The following LRCH4 variants were observed in gnomAD, a reference collection of about 807,000 sequenced individuals.
The protein encoded by LRCH4 is leucine-rich repeat and calponin homology domain-containing protein 4.
Under a neutral mutation model 81.2 loss-of-function variants are expected in LRCH4, and 56 were observed. That is an observed-to-expected ratio of 0.69 (90% CI 0.56 to 0.86). LRCH4 has a LOEUF of 0.86. Among genes scored for constraint, LRCH4 ranks in the 40% least tolerant of loss-of-function variants. The pLI is 0.00. For missense variants in LRCH4, 895 were observed against 922.8 expected (o/e 0.97, Z 0.39); for synonymous variants, 442 against 409.7 (o/e 1.08, Z -0.95).
At chr7:100,579,038 C>A in intron 4 of LRCH4, 1 of 526,088 alleles carries the variant, frequency 1.9e-6, no homozygotes, top group Admixed American at 3.5e-5. Flanking sequence ...AAGGCCCATC[C>A]GGACGTCAGG....
In LRCH4 at chr7:100,575,908, C is replaced by T. The variant is rs750336915; in HGVS notation, c.1739G>A (p.Arg580His). The change falls in exon 16 of 18, where the codon CGC (arginine) becomes CAC (histidine). Residue 580 changes from arginine (R) to histidine (H), a missense_variant. By Grantham distance (29) the Arg-to-His change is conservative. This residue lies in a region of LRCH4 where 529 missense variants were observed against 504.9 expected (regional missense o/e 1.05). Transcript: ENST00000310300. The surrounding 1 kb of genome is among the most constrained non-coding windows in gnomAD (Gnocchi z 5.3). Reference protein sequence around the residue: ...LCQLANQLRPRSVPFIHVPSP... With the variant: ...LCQLANQLRPHSVPFIHVPSP... The stretch of plus-strand genomic sequence containing the variant: ...GGGCACATGGATGAAGGGCACGGAG[C>T]GCGGCCGTAGCTGGTTGGCCAGCTG... 10 of 1,612,898 alleles carry T rather than the reference C, an allele frequency of 6.2e-6. No homozygotes were observed. Among genetic ancestry groups the T allele is most frequent in the South Asian group, 1.1e-5 (1 of 90,992 alleles).
At chr7:100,585,784 G>A (rs1801718885) in intron 1 of LRCH4, 97 bp downstream of exon 1, 5 of 1,334,494 alleles carry the variant, frequency 3.7e-6, no homozygotes, top group Non-Finnish European at 5.0e-6. Flanking sequence ...CTGGCCGCCA[G>A]GTGAAGGGGC....
At position 100,576,756 on chromosome 7, in the gene LRCH4, G is replaced by T. The variant is rs952165220; in HGVS notation, c.1490C>A (p.Pro497Gln). The change falls in exon 14 of 18, where the codon CCA (proline) becomes CAA (glutamine). Residue 497 changes from proline (P) to glutamine (Q), a missense_variant. By Grantham distance (76) the Pro-to-Gln change is moderately conservative (BLOSUM62 -1). Transcript: ENST00000310300. ...AGPATAPAPR[P>Q]LGSIQRPNSF... ...GTTTGGTCTCTGAATGGAGCCAAGT[G>T]GCCGTGGAGCAGGTGCTGTCGCTGG... is the stretch of plus-strand genomic sequence containing the variant. 11 of 1,596,756 alleles carry T rather than the reference G, an allele frequency of 6.9e-6. No homozygotes were observed. Among genetic ancestry groups the T allele is most frequent in the Admixed American group, 1.7e-5 (1 of 57,290 alleles).
chr7:100,582,193 C>T lies in LRCH4; in HGVS notation c.366-26G>A. 6.2e-7 allele frequency: 1 copy of T among 1,613,568 alleles called. No homozygotes were observed. The highest frequency in any genetic ancestry group is 8.5e-7 in the Non-Finnish European group (1 of 1,179,912). On this transcript the variant is annotated intron_variant, in intron 2 of 17. Coordinates refer to ENST00000310300, the MANE Select transcript of LRCH4 (RefSeq NM_002319.5). The surrounding 1 kb of genome is among the most constrained non-coding windows in gnomAD (Gnocchi z 5.0). ...CTGTGGAAGGGAGAAAGGCAGCGGA[C>T]TGGCTCCCCAGGCATGGCATCCCAG...
Position 100,577,411 on chromosome 7 carries a change from A to G in LRCH4, c.1179-22T>C, listed in dbSNP as rs765420444. 1.9e-5 allele frequency: 30 copies of G among 1,600,102 alleles called. No homozygotes were observed. In the Admixed American group the frequency reaches 2.2e-4, roughly 12 times the overall value. On this transcript the variant is annotated intron_variant, in intron 10 of 17. Transcript: ENST00000310300. The surrounding 1 kb of genome is among the most constrained non-coding windows in gnomAD (Gnocchi z 6.7). ...CCGCCTGAGGGACCAAGACAGGGCA[A>G]GAGGGGCAGACCCCGGGGTCAGGGA...
chr7:100,576,642 C>T, intron 14 of LRCH4, 52 bp downstream of exon 14: 1 of 1,456,854 alleles, frequency 6.9e-7, no homozygotes. Flanking sequence ...GGTGATGTAG[C>T]CGTTGGTGCT....
At position 100,576,999 on chromosome 7, in the gene LRCH4, C is replaced by T. The variant is rs963033553; in HGVS notation, c.1371G>A (p.Ser457=). Residue 457 remains serine (S), a synonymous_variant, in exon 13 of 18, where the codon TCG becomes TCA. Transcript: ENST00000310300. ...AVSTQAMHNG[S]PKSSASQAGA... ...CTGCTTGGGAGGCACTGGACTTAGG[C>T]GAGCCGCTGAGGAGAGACAGAAGGG... 1.2e-5 allele frequency: 19 copies of T among 1,611,112 alleles called. No individual in the cohort carries two copies. Among genetic ancestry groups the T allele is most frequent in the Middle Eastern group, 1.6e-4 (1 of 6,072 alleles).
At position 100,577,731 on chromosome 7, in the gene LRCH4, T is replaced by C. The variant is rs769664168; in HGVS notation, c.1049A>G (p.Asp350Gly). ...ERKEDGSADG[D>G]PVQIDFIDSH... The stretch of plus-strand genomic sequence containing the variant: ...GTCGATGAAGTCAATCTGCACAGGG[T>C]CTCCGTCCGCTGGGGAGGCCAGCAT... Residue 350 changes from aspartate (D) to glycine (G), a missense_variant, in exon 9 of 18, where the codon GAC (aspartate) becomes GGC (glycine). Asp to Gly is a moderately conservative substitution (Grantham distance 94). This residue lies in a region of LRCH4 where 529 missense variants were observed against 504.9 expected (regional missense o/e 1.05). Transcript: ENST00000310300. This position sits in a 1 kb window ranked among gnomAD's most constrained non-coding sequence, Gnocchi z 6.7. 3.7e-6 allele frequency: 6 copies of C among 1,614,002 alleles called. No individual in the cohort carries two copies. Among genetic ancestry groups the C allele is most frequent in the Non-Finnish European group, 5.1e-6 (6 of 1,179,988 alleles).
At position 100,575,273 on chromosome 7, in the gene LRCH4, TGGA is replaced by T. The variant is rs758728119; in HGVS notation, c.1883_1885del (p.Leu628del). ...GGTCCGCAGCCCCCGGGCAGTGCCC[TGGA>T]GGAGATCCGAGGGCGAGCACAGGTC... On this transcript the variant is annotated inframe_deletion, in exon 18 of 18. Transcript: ENST00000310300. This position sits in a 1 kb window ranked among gnomAD's most constrained non-coding sequence, Gnocchi z 5.3. The T allele has an allele frequency of 3.2e-6, 5 of 1,570,698 alleles. No homozygotes were observed. The highest frequency in any genetic ancestry group is 2.7e-5 in the African/African-American group (2 of 74,080).
chr7:100,578,395 T>C lies in LRCH4; in HGVS notation c.848+4A>G. ...GGCTTCCTTCCTCCCCACCTAGGACTTACCAGGGACTGAAACTCGGGGGCC... is the reference window on the plus strand; with the variant it reads ...GGCTTCCTTCCTCCCCACCTAGGACCTACCAGGGACTGAAACTCGGGGGCC... On this transcript the variant is annotated splice_donor_region_variant and intron_variant, in intron 6 of 17. Transcript: ENST00000310300. This position sits in a 1 kb window ranked among gnomAD's most constrained non-coding sequence, Gnocchi z 5.7. 1 of 1,613,246 alleles carries C rather than the reference T, an allele frequency of 6.2e-7. No individual in the cohort carries two copies. The highest frequency in any genetic ancestry group is 8.5e-7 in the Non-Finnish European group (1 of 1,179,506).
rs577238467 is a variant in LRCH4 at position 100,583,800 on chromosome 7, C to T, written c.221-1341G>A. 2.2e-4 allele frequency among the ~76,000 whole-genome samples: 33 copies of T among 152,252 alleles called. No homozygotes were observed. The highest frequency in any genetic ancestry group is 5.5e-4 in the African/African-American group (23 of 41,532). On this transcript the variant is annotated intron_variant, in intron 1 of 17. Coordinates refer to ENST00000310300, the MANE Select transcript of LRCH4 (RefSeq NM_002319.5). This position sits in a 1 kb window ranked among gnomAD's most constrained non-coding sequence, Gnocchi z 4.3. ...CCTCCCAGCCTCGCCTCCACCTGCC[C>T]GCTTTCTCTGCAAATGTGTTTGTGT... is the stretch of plus-strand genomic sequence containing the variant.
chr7:100,581,677 A>G lies in LRCH4; in HGVS notation c.598+100T>C, dbSNP rs545008456. The stretch of plus-strand genomic sequence containing the variant: ...GAACTGTGAAAAATGAATGCCTGCC[A>G]TGTATAAGCTACCCGGTCTGCAGTG... On this transcript the variant is annotated intron_variant, in intron 4 of 17. Coordinates refer to ENST00000310300, the MANE Select transcript of LRCH4 (RefSeq NM_002319.5). The G allele has an allele frequency of 2.3e-5, 22 of 936,966 alleles. No homozygotes were observed. The African/African-American group carries it at 3.1e-4, about 13-fold the overall frequency. 58.0% of individuals were successfully genotyped at this position (936,966 alleles called of 1,614,324 possible).
chr7:100,575,451 G>C lies in LRCH4; in HGVS notation c.1855-147C>G. The C allele has an allele frequency of 1.2e-6, 1 of 862,176 alleles. No individual in the cohort carries two copies. The highest frequency in any genetic ancestry group is 1.9e-6 in the Non-Finnish European group (1 of 531,628). 53.4% of individuals were successfully genotyped at this position (862,176 alleles called of 1,614,324 possible). ...GCTGGGCAGGGGGAGTGCAGTGCAG[G>C]AGGAGTGCAGGGCAGGGCATGTGCA... On this transcript the variant is annotated intron_variant, in intron 17 of 17. Coordinates refer to ENST00000310300, the MANE Select transcript of LRCH4 (RefSeq NM_002319.5). This position sits in a 1 kb window ranked among gnomAD's most constrained non-coding sequence, Gnocchi z 5.3.
At position 100,577,719 on chromosome 7, in the gene LRCH4, A is replaced by G. The variant is rs139516267; in HGVS notation, c.1061T>C (p.Ile354Thr). The change falls in exon 9 of 18, where the codon ATT becomes ACT. Residue 354 changes from isoleucine to threonine, a missense_variant. Ile to Thr is a moderately conservative substitution (Grantham distance 89). Transcript: ENST00000310300. The surrounding 1 kb of genome is among the most constrained non-coding windows in gnomAD (Gnocchi z 6.7). ...DGSADGDPVQ[I>T]DFIDSHVPGE... is the part of the protein sequence containing the mutation. Reference sequence around the variant, plus strand: ...GGGGACATGGCTGTCGATGAAGTCAATCTGCACAGGGTCTCCGTCCGCTGG... The same window carrying G: ...GGGGACATGGCTGTCGATGAAGTCAGTCTGCACAGGGTCTCCGTCCGCTGG... 540 of 1,613,962 alleles carry G rather than the reference A, an allele frequency of 3.3e-4. No homozygotes were observed. The highest frequency in any genetic ancestry group is 4.3e-4 in the Non-Finnish European group (512 of 1,180,020).
In LRCH4 at chr7:100,576,763, G is replaced by T; in HGVS notation, c.1483C>A (p.Pro495Thr). The change falls in exon 14 of 18, where the codon CCA (proline) becomes ACA (threonine). Residue 495 changes from proline (P) to threonine (T), a missense_variant. Pro to Thr is a conservative substitution (Grantham distance 38). Around this residue, in one of 3 missense-constraint regions of LRCH4, gnomAD observed 529 missense variants for 504.9 expected, o/e 1.05. Coordinates refer to ENST00000310300, the MANE Select transcript of LRCH4 (RefSeq NM_002319.5). ...PIAGPATAPA[P>T]RPLGSIQRPN... ...CTCTGAATGGAGCCAAGTGGCCGTG[G>T]AGCAGGTGCTGTCGCTGGGGCCGGA... 1 of 1,595,252 alleles carries T rather than the reference G, an allele frequency of 6.3e-7. No homozygotes were observed. Among genetic ancestry groups the T allele is most frequent in the East Asian group, 2.3e-5 (1 of 44,138 alleles).
At chr7:100,576,557 C>A (rs1236222132) in intron 14 of LRCH4, 137 bp downstream of exon 14, 2 of 796,662 alleles carry the variant, frequency 2.5e-6, no homozygotes, top group South Asian at 1.8e-5. Flanking sequence ...AGCCACCACA[C>A]CCGGCTTGCT....
intron 4 of LRCH4, chr7:100,581,563 ACCACAAG>A: frequency 1.9e-6 from 1 of 531,328 alleles, no homozygotes; most frequent in South Asian, 2.3e-5. Flanking sequence ...ATCGGAGAGT[ACCACAAG>A]GAGCCGGCAG....
chr7:100,579,757 C>A (rs1801474973), intron 4 of LRCH4: 1 of 152,230 alleles, frequency 6.6e-6, no homozygotes, highest in Admixed American at 6.5e-5. Context: ...AGCTTCTGAG[C>A]CTTCCCAGGT....
chr7:100,576,583 G>A (rs953753237), intron 14 of LRCH4, 111 bp downstream of exon 14: 114 of 965,148 alleles, frequency 1.2e-4, no homozygotes, highest in Non-Finnish European at 1.6e-4. Flanking sequence ...GATTTTCAAC[G>A]CAAAGGTACA....
Sources: allele counts gnomAD v4.1 joint callset (sites outside exome capture counted in the v4.1 genomes callset), GRCh38; gene constraint gnomAD v4.1.1; regional missense constraint gnomAD v4.1.1; non-coding constraint Gnocchi (gnomAD v3.1); transcripts MANE v1.5; gene names NCBI Gene and HGNC (gene_info 2026-07-23, HGNC 2026-07-21).